Variants in TRPC5 observed in about 807,000 individuals in gnomAD.
The protein encoded by TRPC5 is short transient receptor potential channel 5.
Under a neutral mutation model 56.5 loss-of-function variants are expected in TRPC5, and 9 were observed. The observed-to-expected ratio is 0.16, with a 90% CI of 0.10 to 0.28. The LOEUF (loss-of-function observed/expected upper bound fraction) is 0.28. TRPC5 is among the 10% of genes least tolerant of loss of function. The pLI, the probability that TRPC5 is intolerant of heterozygous loss-of-function variation, is 1.00. For missense variants in TRPC5, 469 were observed against 748.9 expected (o/e 0.63, Z 4.36); for synonymous variants, 282 against 278.5 (o/e 1.01, Z -0.13).
intron 1 of TRPC5, among the ~76,000 whole-genome samples, chrX:112,060,644 G>T (rs1930438680): frequency 1.8e-5 from 2 of 111,722 alleles, no homozygotes. Flanking sequence ...TTTCTCCACT[G>T]GGGGTGCACA....
At chrX:112,017,870 C>T (rs1203700447) in intron 1 of TRPC5, among the ~76,000 whole-genome samples, 1 of 112,019 alleles carries the variant, frequency 8.9e-6, no homozygotes, top group Non-Finnish European at 1.9e-5. Context: ...TAGCTATGAG[C>T]CACATGTGGC....
chrX:112,075,176 T>C (rs1930807211), intron 1 of TRPC5, among the ~76,000 whole-genome samples: 1 of 112,505 alleles, frequency 8.9e-6, no homozygotes, highest in Non-Finnish European at 1.9e-5. Context: ...AGGATAACGT[T>C]TTCTGTTCGT....
intron 2 of TRPC5, among the ~76,000 whole-genome samples, chrX:111,945,814 T>G (rs1179971591): frequency 9.0e-6 from 1 of 111,375 alleles, no homozygotes; most frequent in Non-Finnish European, 1.9e-5. Context: ...GTGATGGAGG[T>G]CAATTGTGCC....
rs144551556 is a variant in TRPC5 at position 111,920,199 on chromosome X, C to T, written c.379-7387G>A. Among the ~76,000 whole-genome samples the T allele has an allele frequency of 4.8e-3, 530 of 111,161 alleles. 4 individuals are homozygous for T. The highest frequency in any genetic ancestry group is 0.032 in the East Asian group (113 of 3,518). On this transcript the variant is annotated intron_variant, in intron 2 of 10. Coordinates refer to ENST00000262839, the MANE Select transcript of TRPC5 (RefSeq NM_012471.3). ...CTGAGGCAGGAGAATCACTTGAACCCGGGAGATGGAGGTTGCAGTGAGTGA... is the reference window on the plus strand; with the variant it reads ...CTGAGGCAGGAGAATCACTTGAACCTGGGAGATGGAGGTTGCAGTGAGTGA...
intron 3 of TRPC5, 95 bp downstream of exon 3, chrX:111,912,196 G>A: frequency 1.0e-6 from 1 of 993,652 alleles, no homozygotes. Flanking sequence ...TGTTTGTTAG[G>A]GGGCTAAATG....
intron 7 of TRPC5, among the ~76,000 whole-genome samples, chrX:111,802,210 T>C (rs1266885253): frequency 8.9e-6 from 1 of 111,822 alleles, no homozygotes; most frequent in Non-Finnish European, 1.9e-5. Context: ...CCTTTAATTC[T>C]ATTCTGTTGG....
At chrX:112,054,221 TTTG>T (rs1930286199) in intron 1 of TRPC5, among the ~76,000 whole-genome samples, 3 of 111,486 alleles carry the variant, frequency 2.7e-5, no homozygotes, top group Non-Finnish European at 5.6e-5. Context: ...AGAGTACCTC[TTTG>T]GGGCAATGTG....
At position 111,952,142 on chromosome X, in the gene TRPC5, G is replaced by T. The variant is rs779715044; in HGVS notation, c.279C>A (p.Ser93Arg). The T allele has an allele frequency of 1.2e-5, 15 of 1,210,722 alleles. No individual in the cohort carries two copies. The highest frequency in any genetic ancestry group is 3.0e-5 in the East Asian group (1 of 33,766). ...AGAGCAATGCATCACCCACATACACGCTGTGGTTCAGCAGTAGCTCCATGA... is the reference window on the plus strand; with the variant it reads ...AGAGCAATGCATCACCCACATACACTCTGTGGTTCAGCAGTAGCTCCATGA... ...LEIMELLLNH[S>R]VYVGDALLYA... Residue 93 changes from serine (S) to arginine (R), a missense_variant, in exon 2 of 11, where the codon AGC becomes AGA. By Grantham distance (110) the Ser-to-Arg change is moderately radical. Transcript: ENST00000262839.
At chrX:111,815,751 T>C (rs1921843270) in intron 7 of TRPC5, among the ~76,000 whole-genome samples, 2 of 109,562 alleles carry the variant, frequency 1.8e-5, no homozygotes, top group African/African-American at 6.7e-5. Context: ...ATATATATAT[T>C]CAGCAGGCCA....
At chrX:111,905,134 T>C (rs905702068) in intron 3 of TRPC5, among the ~76,000 whole-genome samples, 2 of 110,130 alleles carry the variant, frequency 1.8e-5, no homozygotes, top group African/African-American at 6.8e-5. Flanking sequence ...CTGAACGTTA[T>C]TAACCCATTG....
At chrX:111,905,928 A>G (rs1237246250) in intron 3 of TRPC5, among the ~76,000 whole-genome samples, 25 of 106,151 alleles carry the variant, frequency 2.4e-4, no homozygotes, top group Admixed American at 6.0e-4. Context: ...AAAAAAAAAA[A>G]AAAGAAAGAA....
chrX:111,890,962 C>T (rs760123742), intron 3 of TRPC5, among the ~76,000 whole-genome samples: 10 of 111,363 alleles, frequency 9.0e-5, no homozygotes, highest in Middle Eastern at 4.6e-3. Context: ...TAAGTAAGAA[C>T]GTGAGGTATT....
intron 3 of TRPC5, among the ~76,000 whole-genome samples, chrX:111,905,914 C>CAAAAAAAAAAAAAAAA (rs1202912083): frequency 1.4e-4 from 5 of 36,991 alleles, no homozygotes; most frequent in African/African-American, 5.8e-4. Context: ...GTCTCTGTCT[C>CAAAAAAAAAAAAAAAA]AAAAAAAAAA....
chrX:111,969,213 G>A (rs1927711850), intron 1 of TRPC5, among the ~76,000 whole-genome samples: 1 of 110,632 alleles, frequency 9.0e-6, no homozygotes, highest in Non-Finnish European at 1.9e-5. Flanking sequence ...ACATTTTTTA[G>A]CAATACAGTA....
At chrX:112,030,288 A>C (rs58894443) in intron 1 of TRPC5, among the ~76,000 whole-genome samples, 22,998 of 111,910 alleles carry the variant, frequency 0.21, 2,475 homozygotes, top group African/African-American at 0.41. Context: ...CAATAACCCT[A>C]CAAGCTAAGT....
rs754632782 is a variant in TRPC5 at position 111,873,118 on chromosome X, C to A, written c.901-19012G>T. Among the ~76,000 whole-genome samples the A allele has an allele frequency of 6.3e-5, 7 of 110,383 alleles. 1 individual carries two copies. The South Asian group carries it at 2.6e-3, about 41-fold the overall frequency. On this transcript the variant is annotated intron_variant, in intron 3 of 10. Coordinates refer to ENST00000262839, the MANE Select transcript of TRPC5 (RefSeq NM_012471.3). ...ACATGGAATCAACCCAAGTGCCCAT[C>A]AGCAGTGGATTGGATAAAGAAAATG...
intron 1 of TRPC5, among the ~76,000 whole-genome samples, chrX:112,010,641 T>C (rs192380022): frequency 9.0e-6 from 1 of 111,477 alleles, no homozygotes; most frequent in East Asian, 2.8e-4. Flanking sequence ...ATACACAATA[T>C]AATTTATATA....
At chrX:111,952,481 T>C (rs747361194) in intron 1 of TRPC5, 40 bp from the exon 2 acceptor site, 10 of 1,144,010 alleles carry the variant, frequency 8.7e-6, no homozygotes, top group Non-Finnish European at 1.2e-5. Flanking sequence ...TATCCTTAGA[T>C]ACGTGGAGGT....
rs147991604 is a variant in TRPC5 at position 111,939,389 on chromosome X, G to A, written c.378+12654C>T. 8.1e-5 allele frequency among the ~76,000 whole-genome samples: 9 copies of A among 110,790 alleles called. No homozygotes were observed. In the Middle Eastern group the frequency reaches 0.014, roughly 170 times the overall value. On this transcript the variant is annotated intron_variant, in intron 2 of 10. Coordinates refer to ENST00000262839, the MANE Select transcript of TRPC5 (RefSeq NM_012471.3). ...TTTTGATGGCTCTTTATCTGGCTTCGGTATCAGGGTAGTACAGGACTTAGA... is the reference window on the plus strand; with the variant it reads ...TTTTGATGGCTCTTTATCTGGCTTCAGTATCAGGGTAGTACAGGACTTAGA...
Sources: allele counts gnomAD v4.1 joint callset (sites outside exome capture counted in the v4.1 genomes callset), GRCh38; gene constraint gnomAD v4.1.1; transcripts MANE v1.5; gene names NCBI Gene and HGNC (gene_info 2026-07-23, HGNC 2026-07-21).